Variants in RASL11A observed in about 807,000 individuals in gnomAD.
RASL11A encodes ras-like protein family member 11A.
RASL11A carries 14 observed loss-of-function variants against 17.1 expected under a neutral mutation model. That is an observed-to-expected ratio of 0.82 (90% CI 0.54 to 1.28). The LOEUF (loss-of-function observed/expected upper bound fraction) is 1.28. Among genes scored for constraint, RASL11A ranks in the 50% most tolerant of loss-of-function variants. RASL11A has a pLI of 0.00. For synonymous variants in RASL11A, 146 were observed against 132.5 expected, an observed-to-expected ratio of 1.10 and a Z score of -0.70; for missense variants, 283 against 312.3, an observed-to-expected ratio of 0.91 and a Z score of 0.71.
intron 1 of RASL11A, 36 bp downstream of exon 1, chr13:27,271,104 C>T (rs1450954467): frequency 2.6e-6 from 4 of 1,539,788 alleles, no homozygotes; most frequent in Non-Finnish European, 2.6e-6. Context: ...GGCTTCGCTC[C>T]CCGGCTCCGG....
Position 27,274,508 on chromosome 13 carries a change from C to A in RASL11A, c.*1014C>A, listed in dbSNP as rs147473882. Among the ~76,000 whole-genome samples, 696 of 152,356 alleles carry A rather than the reference C, an allele frequency of 4.6e-3. 6 individuals carry two copies. Among genetic ancestry groups the A allele is most frequent in the African/African-American group, 0.016 (668 of 41,584 alleles). On this transcript the variant is annotated 3_prime_UTR_variant, in exon 4 of 4. Coordinates refer to ENST00000241463, the MANE Select transcript of RASL11A (RefSeq NM_206827.2). Reference sequence around the variant, plus strand: ...AACACACACCAGCAGTCAGTCCATTCCAACAGATTGTCTTTCTCAGCTGCT... The same window carrying A: ...AACACACACCAGCAGTCAGTCCATTACAACAGATTGTCTTTCTCAGCTGCT...
In RASL11A at chr13:27,273,812, C is replaced by T. The variant is rs906084720; in HGVS notation, c.*318C>T. On this transcript the variant is annotated 3_prime_UTR_variant, in exon 4 of 4. Coordinates refer to ENST00000241463, the MANE Select transcript of RASL11A (RefSeq NM_206827.2). ...TCTTTTTATAGAAATTGTACTTGCACCAGCGCCCAGTGCTGCTCCATGCTT... is the reference window on the plus strand; with the variant it reads ...TCTTTTTATAGAAATTGTACTTGCATCAGCGCCCAGTGCTGCTCCATGCTT... 8.1e-6 allele frequency: 2 copies of T among 247,678 alleles called. No homozygotes were observed. The highest frequency in any genetic ancestry group is 1.5e-5 in the Non-Finnish European group (2 of 129,386). The allele number at this position is 247,678 out of a possible 1,614,324, so 15.3% of individuals were successfully genotyped here.
chr13:27,270,920 C>T lies in RASL11A; in HGVS notation c.-25C>T, dbSNP rs781382504. On this transcript the variant is annotated 5_prime_UTR_variant, in exon 1 of 4. Transcript: ENST00000241463. ...GGCGAGGCCCAGCCCTCTCGGATTG[C>T]GCGCCGGACCCCGGGACGCGCTCCA... 1.3e-6 allele frequency: 2 copies of T among 1,570,062 alleles called. No individual in the cohort carries two copies. The highest frequency in any genetic ancestry group is 1.7e-6 in the Non-Finnish European group (2 of 1,158,594).
At position 27,273,015 on chromosome 13, in the gene RASL11A, A is replaced by G; in HGVS notation, c.262-12A>G. 6.2e-7 allele frequency: 1 copy of G among 1,606,038 alleles called. No homozygotes were observed. The highest frequency in any genetic ancestry group is 8.5e-7 in the Non-Finnish European group (1 of 1,172,956). ...GTTTCCTTGACTGGATCTCATTTTGATGTTTTCTCAGATCCAAGACAGCCT... is the reference window on the plus strand; with the variant it reads ...GTTTCCTTGACTGGATCTCATTTTGGTGTTTTCTCAGATCCAAGACAGCCT... On this transcript the variant is annotated splice_polypyrimidine_tract_variant and intron_variant, in intron 3 of 3. Coordinates refer to ENST00000241463, the MANE Select transcript of RASL11A (RefSeq NM_206827.2).
chr13:27,275,095 C>T lies in RASL11A; in HGVS notation c.*1601C>T, dbSNP rs1051274397. Among the ~76,000 whole-genome samples, 1 of 152,132 alleles carries T rather than the reference C, an allele frequency of 6.6e-6. No individual in the cohort carries two copies. Among genetic ancestry groups the T allele is most frequent in the Admixed American group, 6.6e-5 (1 of 15,264 alleles). On this transcript the variant is annotated 3_prime_UTR_variant, in exon 4 of 4. Transcript: ENST00000241463. ...TTTCCCTGTAGTTGAAGGGAGTCTA[C>T]CTATACAAAATGGCATGAAGGGTTA...
rs1343521466 is a variant in RASL11A, at chr13:27,271,036, C to T, written c.92C>T (p.Ala31Val). ...DYLLPKDIKL[A>V]VLGAGRVGKS... Reference sequence around the variant, plus strand: ...CTACTGCCCAAGGACATCAAACTGGCGGTGCTGGGCGCCGGCCGCGTGGGC... The same window carrying T: ...CTACTGCCCAAGGACATCAAACTGGTGGTGCTGGGCGCCGGCCGCGTGGGC... Residue 31 changes from alanine to valine, a missense_variant, in exon 1 of 4, where the codon GCG becomes GTG. Physicochemically the swap from Ala to Val is moderately conservative, Grantham distance 64 (BLOSUM62 0). Coordinates refer to ENST00000241463, the MANE Select transcript of RASL11A (RefSeq NM_206827.2). 6.3e-7 allele frequency: 1 copy of T among 1,582,950 alleles called. No homozygotes were observed. The highest frequency in any genetic ancestry group is 8.6e-7 in the Non-Finnish European group (1 of 1,164,484).
rs1019550217 is a variant in RASL11A at position 27,271,337 on chromosome 13, A to C, written c.125-147A>C. ...GTCCCGCCAGTCGTACTCGCGGCCA[A>C]GCCCGCGGCACCACGGCTTTGCGGA... On this transcript the variant is annotated intron_variant, in intron 1 of 3. Coordinates refer to ENST00000241463, the MANE Select transcript of RASL11A (RefSeq NM_206827.2). The C allele has an allele frequency of 2.0e-6, 3 of 1,492,940 alleles. No individual in the cohort carries two copies. In the African/African-American group the frequency reaches 4.2e-5, roughly 21 times the overall value. The allele number at this position is 1,492,940 out of a possible 1,614,324, so 92.5% of individuals were successfully genotyped here.
chr13:27,273,201 G>A lies in RASL11A; in HGVS notation c.436G>A (p.Gly146Ser). The change falls in exon 4 of 4, where the codon GGC becomes AGC. Residue 146 changes from glycine (G) to serine (S), a missense_variant. Coordinates refer to ENST00000241463, the MANE Select transcript of RASL11A (RefSeq NM_206827.2). ...CTCTAAAGCCCCTGTCATCATCGTG[G>A]GCAACAAGGGGGACCTTTTGCATGC... ...PDSKAPVIIVGNKGDLLHARQ... is the reference protein window; with the variant it reads ...PDSKAPVIIVSNKGDLLHARQ... 2.5e-6 allele frequency: 4 copies of A among 1,614,126 alleles called. No individual in the cohort carries two copies. The highest frequency in any genetic ancestry group is 3.4e-6 in the Non-Finnish European group (4 of 1,180,028).
rs1882425389 is a variant in RASL11A at position 27,274,646 on chromosome 13, AT to A, written c.*1153del. Among the ~76,000 whole-genome samples the A allele has an allele frequency of 2.0e-5, 3 of 152,186 alleles. No individual in the cohort carries two copies. The highest frequency in any genetic ancestry group is 4.4e-5 in the Non-Finnish European group (3 of 68,036). Reference sequence around the variant, plus strand: ...ACTCATCTTTAAAAACCCAAGTCACATGCTATATTCAGCTCTGAAATGCCTT... The same window carrying A: ...ACTCATCTTTAAAAACCCAAGTCACAGCTATATTCAGCTCTGAAATGCCTT... On this transcript the variant is annotated 3_prime_UTR_variant, in exon 4 of 4. Transcript: ENST00000241463.
At chr13:27,272,520 G>A (rs1194251552) in intron 3 of RASL11A, among the ~76,000 whole-genome samples, 3 of 152,160 alleles carry the variant, frequency 2.0e-5, no homozygotes, top group Non-Finnish European at 4.4e-5. Context: ...GGTCTAGAAT[G>A]TAACTTGTTT....
In RASL11A at chr13:27,273,057, T is replaced by C; in HGVS notation, c.292T>C (p.Ser98Pro). The C allele has an allele frequency of 1.2e-6, 2 of 1,614,162 alleles. No homozygotes were observed. The highest frequency in any genetic ancestry group is 1.7e-6 in the Non-Finnish European group (2 of 1,179,980). The change falls in exon 4 of 4, where the codon TCC becomes CCC. Residue 98 changes from serine (S) to proline (P), a missense_variant. Coordinates refer to ENST00000241463, the MANE Select transcript of RASL11A (RefSeq NM_206827.2). ...IQDSLPQVVD[S>P]LSKCVQWAEG... ...AGACAGCCTCCCCCAGGTCGTCGATTCCCTGTCCAAATGCGTGCAGTGGGC... is the reference window on the plus strand; with the variant it reads ...AGACAGCCTCCCCCAGGTCGTCGATCCCCTGTCCAAATGCGTGCAGTGGGC...
Position 27,273,180 on chromosome 13 carries a change from A to G in RASL11A, c.415A>G (p.Lys139Glu). The G allele has an allele frequency of 6.2e-7, 1 of 1,614,234 alleles. No homozygotes were observed. The highest frequency in any genetic ancestry group is 8.5e-7 in the Non-Finnish European group (1 of 1,180,040). Reference protein sequence around the residue: ...QHIRKVHPDSKAPVIIVGNKG... With the variant: ...QHIRKVHPDSEAPVIIVGNKG... ...CATCCGGAAGGTCCACCCTGACTCT[A>G]AAGCCCCTGTCATCATCGTGGGCAA... The change falls in exon 4 of 4, where the codon AAA becomes GAA. Residue 139 changes from lysine to glutamate, a missense_variant. Physicochemically the swap from Lys to Glu is moderately conservative, Grantham distance 56. Coordinates refer to ENST00000241463, the MANE Select transcript of RASL11A (RefSeq NM_206827.2).
rs779416210 is a variant in RASL11A, at chr13:27,273,477, C to T, written c.712C>T (p.Pro238Ser). The T allele has an allele frequency of 1.1e-5, 17 of 1,613,836 alleles. 1 individual carries two copies. The South Asian group carries it at 1.9e-4, about 18-fold the overall frequency. ...KQALSPKVKA[P>S]SALG ...GGCTCTGTCTCCCAAAGTCAAAGCCCCCTCTGCACTGGGGTGAACTATCTC... is the reference window on the plus strand; with the variant it reads ...GGCTCTGTCTCCCAAAGTCAAAGCCTCCTCTGCACTGGGGTGAACTATCTC... Residue 238 changes from proline (P) to serine (S), a missense_variant, in exon 4 of 4, where the codon CCC becomes TCC. By Grantham distance (74) the Pro-to-Ser change is moderately conservative. Coordinates refer to ENST00000241463, the MANE Select transcript of RASL11A (RefSeq NM_206827.2).
chr13:27,271,291 G>C (rs1376219657), intron 1 of RASL11A, 193 bp from the exon 2 acceptor site: 1 of 1,453,166 alleles, frequency 6.9e-7, no homozygotes, highest in Non-Finnish European at 9.0e-7. Context: ...CGCCTGTTCG[G>C]GGATGGGGTG....
In RASL11A at chr13:27,274,447, T is replaced by G. The variant is rs771278837; in HGVS notation, c.*953T>G. ...CATGAGACATGGCATCAAGATTCTT[T>G]ACCACCTCTCCAGGCTTATCAACCC... is the stretch of plus-strand genomic sequence containing the variant. On this transcript the variant is annotated 3_prime_UTR_variant, in exon 4 of 4. Transcript: ENST00000241463. Among the ~76,000 whole-genome samples the G allele has an allele frequency of 1.2e-4, 19 of 152,338 alleles. No individual in the cohort carries two copies. Among genetic ancestry groups the G allele is most frequent in the Non-Finnish European group, 2.8e-4 (19 of 68,032 alleles).
Position 27,271,051 on chromosome 13 carries a change from G to A in RASL11A, c.107G>A (p.Gly36Asp). Residue 36 changes from glycine (G) to aspartate (D), a missense_variant, in exon 1 of 4, where the codon GGC (glycine) becomes GAC (aspartate). Gly to Asp is a moderately conservative substitution (Grantham distance 94, BLOSUM62 -1). Coordinates refer to ENST00000241463, the MANE Select transcript of RASL11A (RefSeq NM_206827.2). ...KDIKLAVLGA[G>D]RVGKSAMIVR... ...ATCAAACTGGCGGTGCTGGGCGCCGGCCGCGTGGGCAAGAGCGGTGAGTGC... is the reference window on the plus strand; with the variant it reads ...ATCAAACTGGCGGTGCTGGGCGCCGACCGCGTGGGCAAGAGCGGTGAGTGC... 1 of 1,577,336 alleles carries A rather than the reference G, an allele frequency of 6.3e-7. No individual in the cohort carries two copies.
intron 1 of RASL11A, 30 bp from the exon 2 acceptor site, chr13:27,271,454 C>G: frequency 6.2e-7 from 1 of 1,613,874 alleles, no homozygotes; most frequent in Non-Finnish European, 8.5e-7. Flanking sequence ...TGTTCTACTC[C>G]TTCGGTTGAT....
Position 27,274,236 on chromosome 13 carries a change from C to T in RASL11A, c.*742C>T, listed in dbSNP as rs1204401939. Among the ~76,000 whole-genome samples, 1 of 152,156 alleles carries T rather than the reference C, an allele frequency of 6.6e-6. No homozygotes were observed. Among genetic ancestry groups the T allele is most frequent in the Non-Finnish European group, 1.5e-5 (1 of 68,036 alleles). On this transcript the variant is annotated 3_prime_UTR_variant, in exon 4 of 4. Coordinates refer to ENST00000241463, the MANE Select transcript of RASL11A (RefSeq NM_206827.2). ...CTGTTTTTCTCTAAAGCCTCACTGT[C>T]CCTTAATCTAGACCTCCCTTTGACT...
Position 27,271,704 on chromosome 13 carries a change from C to G in RASL11A, c.247C>G (p.Pro83Ala). 6.2e-7 allele frequency: 1 copy of G among 1,609,168 alleles called. No individual in the cohort carries two copies. Among genetic ancestry groups the G allele is most frequent in the South Asian group, 1.1e-5 (1 of 90,728 alleles). ...DQLSLQIQDTPGGVQIQDSLP... is the reference protein window; with the variant it reads ...DQLSLQIQDTAGGVQIQDSLP... ...GCTCTCCCTGCAGATCCAGGATACT[C>G]CCGGGGGCGTCCAGGTAAGAACCGC... Residue 83 changes from proline to alanine, a missense_variant, in exon 3 of 4, where the codon CCC becomes GCC. Physicochemically the swap from Pro to Ala is conservative, Grantham distance 27. Transcript: ENST00000241463.
Sources: allele counts gnomAD v4.1 joint callset (sites outside exome capture counted in the v4.1 genomes callset), GRCh38; gene constraint gnomAD v4.1.1; transcripts MANE v1.5; gene names NCBI Gene and HGNC (gene_info 2026-07-23, HGNC 2026-07-21).